The following MRC1 variants were observed in gnomAD, a reference collection of about 807,000 sequenced individuals.
MRC1 encodes the protein macrophage mannose receptor 1.
A neutral mutation model predicts 102.9 loss-of-function variants in MRC1; 62 were observed. The ratio of observed to expected loss-of-function variants is 0.60; its 90% CI spans 0.49 to 0.74. The LOEUF (loss-of-function observed/expected upper bound fraction) is 0.74, where lower values mean the gene tolerates loss of function less well. Ranked by LOEUF, MRC1 falls within the 30% of genes least tolerant of loss-of-function variation. The pLI, the probability that MRC1 is intolerant of heterozygous loss-of-function variation, is 0.00. For synonymous variants in MRC1, 457 were observed against 298.4 expected (o/e 1.53, Z -5.48); for missense variants, 1,237 against 862.8 (o/e 1.43, Z -5.43).
rs1833954014 is a variant in MRC1 at position 17,910,434 on chromosome 10, A to AT, written c.4341dup (p.Ile1448TyrfsTer2). On this transcript the variant is annotated frameshift_variant, in exon 30 of 30. Transcript: ENST00000569591. LOFTEE classifies it high-confidence loss of function. ...AGTGATATGAAAGATCTCGTGGGCA[A>AT]TATTGAACAGAATGAACACTCGGTC... 1.3e-6 allele frequency: 1 copy of AT among 780,762 alleles called. No individual in the cohort carries two copies. The highest frequency in any genetic ancestry group is 1.3e-5 in the South Asian group (1 of 74,618). 48.4% of individuals were successfully genotyped at this position (780,762 alleles called of 1,614,324 possible). A position where few individuals can be genotyped will look rare whatever the true frequency, so the allele number is the denominator to read the frequency against.
At chr10:17,900,654 CT>C (rs1833816931) in intron 24 of MRC1, 133 bp from the exon 25 acceptor site, 1 of 730,836 alleles carries the variant, frequency 1.4e-6, no homozygotes, top group African/African-American at 1.7e-5. Context: ...TTATAGTGTT[CT>C]TTTTATTCTC....
intron 1 of MRC1, among the ~76,000 whole-genome samples, chr10:17,811,926 T>C (rs1219524223): frequency 6.6e-6 from 1 of 151,994 alleles, no homozygotes; most frequent in Non-Finnish European, 1.5e-5. Context: ...GAGAAGCATG[T>C]GATTGGAGGA....
chr10:17,854,094 G>A (rs1279504807), intron 8 of MRC1, among the ~76,000 whole-genome samples: 8 of 152,240 alleles, frequency 5.3e-5, no homozygotes, highest in South Asian at 4.2e-4. Context: ...GTGACTAAAG[G>A]TGCGTGCCAC....
rs1185779461 is a variant in MRC1, at chr10:17,870,930, T to A, written c.2194T>A (p.Ser732Thr). The A allele has an allele frequency of 1.1e-6, 1 of 872,166 alleles. No individual in the cohort carries two copies. Among genetic ancestry groups the A allele is most frequent in the African/African-American group, 1.6e-5 (1 of 61,304 alleles). 54.0% of individuals were successfully genotyped at this position (872,166 alleles called of 1,614,324 possible). A position where few individuals can be genotyped will look rare whatever the true frequency, so the allele number is the denominator to read the frequency against. Residue 732 changes from serine (S) to threonine (T), a missense_variant, in exon 14 of 30, where the codon TCT (serine) becomes ACT (threonine). By Grantham distance (58) the Ser-to-Thr change is moderately conservative. Transcript: ENST00000569591. The part of the protein sequence containing the change: ...PSEGFTWSDG[S>T]PVSYENWAYG... Reference sequence around the variant, plus strand: ...AGAAGGTTTTACTTGGAGTGATGGTTCTCCTGTGAGTAATTTTACTTACTA... The same window carrying A: ...AGAAGGTTTTACTTGGAGTGATGGTACTCCTGTGAGTAATTTTACTTACTA...
chr10:17,840,669 G>A lies in MRC1; in HGVS notation c.803-24G>A, dbSNP rs1001344070. 62 of 780,064 alleles carry A rather than the reference G, an allele frequency of 7.9e-5. 1 individual carries two copies. The highest frequency in any genetic ancestry group is 1.7e-4 in the Admixed American group (10 of 58,888). 48.3% of individuals were successfully genotyped at this position (780,064 alleles called of 1,614,324 possible). A position where few individuals can be genotyped will look rare whatever the true frequency, so the allele number is the denominator to read the frequency against. ...CTGAATGCCAAGTTCTTGTTTGTTT[G>A]TTTTGCTTTCTTTAAAAATATAGGA... On this transcript the variant is annotated intron_variant, in intron 4 of 29. Transcript: ENST00000569591.
chr10:17,822,003 A>G (rs913847527), intron 1 of MRC1, among the ~76,000 whole-genome samples: 2 of 152,214 alleles, frequency 1.3e-5, no homozygotes, highest in African/African-American at 4.8e-5. Flanking sequence ...ACAATAAAGA[A>G]AAAAGAGAAA....
At chr10:17,812,688 C>T (rs2130569008) in intron 1 of MRC1, among the ~76,000 whole-genome samples, 1 of 151,318 alleles carries the variant, frequency 6.6e-6, no homozygotes, top group South Asian at 2.1e-4. Context: ...TCTCCTGCCT[C>T]AGCCTCCCGA....
intron 7 of MRC1, 36 bp from the exon 8 acceptor site, chr10:17,852,931 C>G: frequency 1.3e-6 from 1 of 780,728 alleles, no homozygotes; most frequent in Non-Finnish European, 2.4e-6. Flanking sequence ...GGAAAGCAAC[C>G]CTTGTATATA....
intron 10 of MRC1, among the ~76,000 whole-genome samples, chr10:17,862,133 T>G (rs1833193987): frequency 6.6e-6 from 1 of 152,154 alleles, no homozygotes; most frequent in Non-Finnish European, 1.5e-5. Flanking sequence ...AGTAAAGAAG[T>G]AACAAAATTA....
intron 6 of MRC1, among the ~76,000 whole-genome samples, chr10:17,848,956 G>A (rs1299019081): frequency 6.6e-6 from 1 of 152,104 alleles, no homozygotes; most frequent in East Asian, 1.9e-4. Context: ...AGAGTGACTG[G>A]CTCCCTAATG....
Position 17,885,274 on chromosome 10 carries a change from C to G in MRC1, c.2986C>G (p.Leu996Val), listed in dbSNP as rs1354932149. Residue 996 changes from leucine to valine, a missense_variant, in exon 22 of 30, where the codon CTT (leucine) becomes GTT (valine). By Grantham distance (32) the Leu-to-Val change is conservative. Transcript: ENST00000569591. ...ATCATGAAATTTTCTTTCAGCATTT[C>G]TTACCTATCACATGAAGGACTCCAC... ...SIQNEKEQAF[L>V]TYHMKDSTFS... The G allele has an allele frequency of 2.6e-6, 2 of 780,726 alleles. No homozygotes were observed. Among genetic ancestry groups the G allele is most frequent in the African/African-American group, 3.4e-5 (2 of 59,130 alleles). The allele number at this position is 780,726 out of a possible 1,614,324, so 48.4% of individuals were successfully genotyped here.
chr10:17,897,959 G>A, intron 23 of MRC1, 75 bp from the exon 24 acceptor site: 2 of 778,950 alleles, frequency 2.6e-6, no homozygotes, highest in East Asian at 2.4e-5. Context: ...TGATAGATGA[G>A]ATACACTTAT....
intron 22 of MRC1, among the ~76,000 whole-genome samples, chr10:17,890,722 A>T (rs1236646799): frequency 1.3e-5 from 2 of 152,158 alleles, no homozygotes; most frequent in African/African-American, 4.8e-5. Context: ...AGTGTGTCTT[A>T]TATTTTTATG....
At chr10:17,820,033 A>T (rs1296830581) in intron 1 of MRC1, among the ~76,000 whole-genome samples, 1 of 152,150 alleles carries the variant, frequency 6.6e-6, no homozygotes, top group Non-Finnish European at 1.5e-5. Context: ...GTTCTTCTTC[A>T]GCTTGTTTCT....
chr10:17,870,496 C>T, intron 13 of MRC1, 123 bp downstream of exon 13: 2 of 754,846 alleles, frequency 2.6e-6, no homozygotes, highest in Non-Finnish European at 2.4e-6. Flanking sequence ...TGTATCATCT[C>T]CCAAATCTGT....
At chr10:17,892,552 A>G (rs1039887086) in intron 22 of MRC1, among the ~76,000 whole-genome samples, 2 of 152,164 alleles carry the variant, frequency 1.3e-5, no homozygotes, top group Non-Finnish European at 2.9e-5. Context: ...ATTTTCTTGC[A>G]TTGTGGTTGG....
At chr10:17,813,324 C>T (rs898047753) in intron 1 of MRC1, among the ~76,000 whole-genome samples, 42 of 152,266 alleles carry the variant, frequency 2.8e-4, no homozygotes, top group African/African-American at 8.2e-4. Flanking sequence ...ATAGACATCA[C>T]GCTAATGGTA....
chr10:17,835,551 G>C (rs369827206), intron 4 of MRC1, among the ~76,000 whole-genome samples: 50,669 of 151,958 alleles, frequency 0.33, 8,612 homozygotes, highest in African/African-American at 0.38. Flanking sequence ...GCGTCAGAGG[G>C]GGAAATAGCT....
At chr10:17,876,192 A>G (rs1361670952) in intron 17 of MRC1, among the ~76,000 whole-genome samples, 1 of 152,010 alleles carries the variant, frequency 6.6e-6, no homozygotes, top group East Asian at 1.9e-4. Flanking sequence ...AGGTCATAAC[A>G]CAAGTTATGC....
Sources: allele counts gnomAD v4.1 joint callset (sites outside exome capture counted in the v4.1 genomes callset), GRCh38; gene constraint gnomAD v4.1.1; transcripts MANE v1.5; gene names NCBI Gene and HGNC (gene_info 2026-07-23, HGNC 2026-07-21).